KCTD16: variants seen among roughly 807,000 people sequenced by gnomAD.
The protein encoded by KCTD16 is potassium channel tetramerization domain containing 16.
A neutral mutation model predicts 33.2 loss-of-function variants in KCTD16; 13 were observed. The observed-to-expected ratio is 0.39, with a 90% CI of 0.25 to 0.62. The LOEUF (loss-of-function observed/expected upper bound fraction) is 0.62. Among genes scored for constraint, KCTD16 ranks in the 20% least tolerant of loss-of-function variants. The probability of loss-of-function intolerance (pLI) is 0.50; values close to 1 mark genes in which losing one functional copy is unlikely to be tolerated. For missense variants in KCTD16, 441 were observed against 525.1 expected (o/e 0.84, Z 1.57); for synonymous variants, 197 against 195.3 (o/e 1.01, Z -0.07).
intron 3 of KCTD16, among the ~76,000 whole-genome samples, chr5:144,218,362 C>A (rs2126800652): frequency 6.6e-6 from 1 of 152,096 alleles, no homozygotes; most frequent in African/African-American, 2.4e-5. Flanking sequence ...ATATTTAAAT[C>A]TTTTTTGCAT....
chr5:144,240,591 A>G (rs944012351), intron 3 of KCTD16, among the ~76,000 whole-genome samples: 7 of 152,130 alleles, frequency 4.6e-5, no homozygotes, highest in Non-Finnish European at 1.0e-4. Flanking sequence ...ATTTTCACAA[A>G]TGTTTCCGCT....
At chr5:144,288,848 C>G (rs1193406595) in intron 3 of KCTD16, among the ~76,000 whole-genome samples, 1 of 152,086 alleles carries the variant, frequency 6.6e-6, no homozygotes, top group Non-Finnish European at 1.5e-5. Context: ...CCTGTAATCC[C>G]AGCTACTCCG....
At chr5:144,423,000 A>G (rs895160538) in intron 3 of KCTD16, among the ~76,000 whole-genome samples, 7 of 152,158 alleles carry the variant, frequency 4.6e-5, no homozygotes, top group African/African-American at 1.7e-4. Context: ...GCAACTAATC[A>G]TTCTCCTAAG....
intron 3 of KCTD16, among the ~76,000 whole-genome samples, chr5:144,247,629 T>G (rs1754585837): frequency 6.6e-6 from 1 of 152,136 alleles, no homozygotes; most frequent in Admixed American, 6.6e-5. Flanking sequence ...ACTGGAACAG[T>G]TTTCAATAAA....
chr5:144,456,737 G>A (rs1185026146), intron 3 of KCTD16, among the ~76,000 whole-genome samples: 1 of 150,922 alleles, frequency 6.6e-6, no homozygotes, highest in Non-Finnish European at 1.5e-5. Context: ...CACTATCTTT[G>A]AGACTATACC....
In KCTD16 at chr5:144,181,533, G is replaced by A. The variant is rs552997033; in HGVS notation, c.-327+7061G>A. Among the ~76,000 whole-genome samples the A allele has an allele frequency of 1.6e-3, 248 of 152,186 alleles. 4 individuals carry two copies. The highest frequency in any genetic ancestry group is 3.9e-3 in the Admixed American group (60 of 15,272). The stretch of plus-strand genomic sequence containing the variant: ...ATGGAAACAACCTAAATGTCCATCA[G>A]TGGATGATTGAATAAAAAATTTGTT... On this transcript the variant is annotated intron_variant, in intron 2 of 3. Coordinates refer to ENST00000512467, the MANE Select transcript of KCTD16 (RefSeq NM_020768.4).
intron 3 of KCTD16, among the ~76,000 whole-genome samples, chr5:144,244,755 C>A (rs73310791): frequency 6.6e-6 from 1 of 152,070 alleles, no homozygotes; most frequent in Admixed American, 6.5e-5. Flanking sequence ...CTGCCAGGAG[C>A]CTTTTGTGGT....
intron 3 of KCTD16, among the ~76,000 whole-genome samples, chr5:144,407,643 A>G (rs1294656752): frequency 6.6e-6 from 1 of 152,090 alleles, no homozygotes; most frequent in Non-Finnish European, 1.5e-5. Flanking sequence ...CCTTTCATCT[A>G]GGTTTTAAGC....
At chr5:144,279,400 A>G (rs368411245) in intron 3 of KCTD16, among the ~76,000 whole-genome samples, 2 of 152,214 alleles carry the variant, frequency 1.3e-5, no homozygotes, top group South Asian at 4.1e-4. Flanking sequence ...GAAAGTATTC[A>G]TTCTTTGGCT....
intron 3 of KCTD16, among the ~76,000 whole-genome samples, chr5:144,399,413 C>A (rs1206817388): frequency 1.3e-5 from 2 of 151,970 alleles, no homozygotes; most frequent in South Asian, 4.1e-4. Flanking sequence ...AGGCTTCTTT[C>A]AGCTTTGTAA....
At chr5:144,218,470 C>T (rs1281784001) in intron 3 of KCTD16, among the ~76,000 whole-genome samples, 1 of 152,020 alleles carries the variant, frequency 6.6e-6, no homozygotes, top group African/African-American at 2.4e-5. Flanking sequence ...CCTTTTATTT[C>T]TGATTTAATT....
At chr5:144,367,469 G>A (rs1429373352) in intron 3 of KCTD16, among the ~76,000 whole-genome samples, 3 of 152,010 alleles carry the variant, frequency 2.0e-5, no homozygotes, top group Non-Finnish European at 4.4e-5. Context: ...ATTTTATTAA[G>A]GGAATTTCCA....
intron 3 of KCTD16, among the ~76,000 whole-genome samples, chr5:144,227,666 G>C (rs1329195055): frequency 6.6e-6 from 1 of 152,188 alleles, no homozygotes; most frequent in East Asian, 1.9e-4. Flanking sequence ...ACAGACTGAT[G>C]AAACCAAGGG....
intron 3 of KCTD16, among the ~76,000 whole-genome samples, chr5:144,338,448 A>C (rs1188233252): frequency 6.6e-6 from 1 of 152,154 alleles, no homozygotes; most frequent in African/African-American, 2.4e-5. Flanking sequence ...GGAGAGTTAA[A>C]TAAGTTGACA....
intron 3 of KCTD16, among the ~76,000 whole-genome samples, chr5:144,349,072 A>G (rs1037833043): frequency 2.6e-5 from 4 of 152,284 alleles, no homozygotes; most frequent in African/African-American, 9.6e-5. Context: ...TCACAGGAAG[A>G]GGGTTTAGGA....
Position 144,484,549 on chromosome 5 carries a change from A to G in KCTD16, c.*10435A>G, listed in dbSNP as rs1231841248. Reference sequence around the variant, plus strand: ...CACCACCCCTTACACTTTTAAAGTTAAAGACCCTGTTGATCAGGTTACCTG... The same window carrying G: ...CACCACCCCTTACACTTTTAAAGTTGAAGACCCTGTTGATCAGGTTACCTG... On this transcript the variant is annotated 3_prime_UTR_variant, in exon 4 of 4. Transcript: ENST00000512467. 6.6e-6 allele frequency: 1 copy of G among 151,976 alleles called. No individual in the cohort carries two copies. The highest frequency in any genetic ancestry group is 2.4e-5 in the African/African-American group (1 of 41,420). The allele number at this position is 151,976 out of a possible 1,614,324, so 9.4% of individuals were successfully genotyped here.
At position 144,480,435 on chromosome 5, in the gene KCTD16, CA is replaced by C. The variant is rs896486679; in HGVS notation, c.*6328del. On this transcript the variant is annotated 3_prime_UTR_variant, in exon 4 of 4. Coordinates refer to ENST00000512467, the MANE Select transcript of KCTD16 (RefSeq NM_020768.4). Reference sequence around the variant, plus strand: ...ATATAGTGAAGAGTAGCATCTTATTCAAAAAAAGAATGTATTTTTGAAAGCT... The same window carrying C: ...ATATAGTGAAGAGTAGCATCTTATTCAAAAAAGAATGTATTTTTGAAAGCT... 1 of 151,600 alleles carries C rather than the reference CA, an allele frequency of 6.6e-6. No homozygotes were observed. Among genetic ancestry groups the C allele is most frequent in the Non-Finnish European group, 1.5e-5 (1 of 67,860 alleles). 9.4% of individuals were successfully genotyped at this position (151,600 alleles called of 1,614,324 possible).
chr5:144,345,129 C>G (rs1226538132), intron 3 of KCTD16, among the ~76,000 whole-genome samples: 1 of 149,080 alleles, frequency 6.7e-6, no homozygotes, highest in Non-Finnish European at 1.5e-5. Context: ...ACCGCATGTT[C>G]TCACTCCTAG....
intron 2 of KCTD16, among the ~76,000 whole-genome samples, chr5:144,204,040 A>G (rs1423368597): frequency 6.6e-6 from 1 of 152,206 alleles, no homozygotes; most frequent in Non-Finnish European, 1.5e-5. Context: ...AACAAAGTCA[A>G]ATATAATCAG....
Sources: gnomAD v4.1 joint callset for allele counts (sites outside exome capture counted in the v4.1 genomes callset) on GRCh38, gnomAD v4.1.1 for gene constraint, MANE v1.5 for transcripts, NCBI Gene and HGNC (gene_info 2026-07-23, HGNC 2026-07-21) for gene names.